The following RALYL variants were observed in gnomAD, a reference collection of about 807,000 sequenced individuals.
RALYL encodes the protein RNA-binding Raly-like protein.
Under a neutral mutation model 35.1 loss-of-function variants are expected in RALYL, and 29 were observed. The observed-to-expected ratio is 0.83, with a 90% CI of 0.61 to 1.13. RALYL has a LOEUF of 1.13. Among genes scored for constraint, RALYL ranks in the 50% most tolerant of loss-of-function variants. RALYL has a pLI of 0.00. For synonymous variants in RALYL, 120 were observed against 127.6 expected, an observed-to-expected ratio of 0.94 and a Z score of 0.40; for missense variants, 359 against 360.4, an observed-to-expected ratio of 1.00 and a Z score of 0.03.
At chr8:84,648,906 A>G (rs1046844656) in intron 2 of RALYL, among the ~76,000 whole-genome samples, 2 of 151,778 alleles carry the variant, frequency 1.3e-5, no homozygotes, top group African/African-American at 4.8e-5. Flanking sequence ...TTTTCTCACC[A>G]AATCTTTTGG....
chr8:84,289,113 G>A (rs182696586), intron 1 of RALYL, among the ~76,000 whole-genome samples: 2 of 152,176 alleles, frequency 1.3e-5, no homozygotes, highest in East Asian at 3.9e-4. Context: ...TGTGACAGGA[G>A]GTAGTTTCAT....
rs1039628076 is a variant in RALYL at position 84,544,213 on chromosome 8, A to AT, written c.256+14642dup. 2.0e-5 allele frequency among the ~76,000 whole-genome samples: 3 copies of AT among 151,924 alleles called. No homozygotes were observed. In the East Asian group the frequency reaches 5.8e-4, roughly 29 times the overall value. ...TGATTATTATACTTGCTTTTCTTTA[A>AT]TTTTTTACAACCATATATGATACTT... On this transcript the variant is annotated intron_variant, in intron 2 of 8. Coordinates refer to ENST00000521268, the MANE Select transcript of RALYL (RefSeq NM_173848.7).
At chr8:84,337,646 G>A (rs1211787663) in intron 1 of RALYL, among the ~76,000 whole-genome samples, 3 of 152,046 alleles carry the variant, frequency 2.0e-5, no homozygotes, top group African/African-American at 2.4e-5. Flanking sequence ...TGGTTTCTGA[G>A]CAGCTGGTAA....
At chr8:84,202,785 C>T (rs941823348) in intron 1 of RALYL, among the ~76,000 whole-genome samples, 7 of 152,014 alleles carry the variant, frequency 4.6e-5, no homozygotes, top group African/African-American at 1.7e-4. Context: ...CTGGTGTAGG[C>T]ATGACATTTT....
intron 4 of RALYL, among the ~76,000 whole-genome samples, chr8:84,812,958 A>G (rs1212534059): frequency 6.6e-6 from 1 of 152,124 alleles, no homozygotes; most frequent in Non-Finnish European, 1.5e-5. Context: ...AAGTTGTTAC[A>G]AAATTCAGCT....
At chr8:84,610,180 T>C (rs549626877) in intron 2 of RALYL, among the ~76,000 whole-genome samples, 1 of 152,226 alleles carries the variant, frequency 6.6e-6, no homozygotes, top group African/African-American at 2.4e-5. Context: ...TTTTAGTTTT[T>C]ACCGAATGTC....
At chr8:84,236,252 G>T (rs1826525134) in intron 1 of RALYL, among the ~76,000 whole-genome samples, 1 of 152,108 alleles carries the variant, frequency 6.6e-6, no homozygotes, top group African/African-American at 2.4e-5. Context: ...TTTTGCATCT[G>T]CCCAGTGATA....
intron 1 of RALYL, among the ~76,000 whole-genome samples, chr8:84,466,738 C>T (rs1206604304): frequency 6.6e-6 from 1 of 151,298 alleles, no homozygotes; most frequent in Non-Finnish European, 1.5e-5. Flanking sequence ...CTCCTTGTAC[C>T]TCTGGTAGAA....
chr8:84,869,978 G>C lies in RALYL; in HGVS notation c.572-3306G>C, dbSNP rs184237796. Among the ~76,000 whole-genome samples, 8 of 150,656 alleles carry C rather than the reference G, an allele frequency of 5.3e-5. No homozygotes were observed. The East Asian group carries it at 1.2e-3, about 22-fold the overall frequency. ...TCACCAAATCAATGAACTCTATAGAGAGAGCAGATCTGAAATGACTTAATG... is the reference window on the plus strand; with the variant it reads ...TCACCAAATCAATGAACTCTATAGACAGAGCAGATCTGAAATGACTTAATG... On this transcript the variant is annotated intron_variant, in intron 6 of 8. Coordinates refer to ENST00000521268, the MANE Select transcript of RALYL (RefSeq NM_173848.7).
At chr8:84,223,209 C>CCTTCCCTTCCCTTCCCTTCCCT (rs1554578639) in intron 1 of RALYL, among the ~76,000 whole-genome samples, 1 of 88,874 alleles carries the variant, frequency 1.1e-5, no homozygotes, top group African/African-American at 5.6e-5. Context: ...CCTTCCATTC[C>CCTTCCCTTCCCTTCCCTTCCCT]TCCCTTCCCT....
At chr8:84,642,707 G>T (rs559733660) in intron 2 of RALYL, among the ~76,000 whole-genome samples, 3 of 152,158 alleles carry the variant, frequency 2.0e-5, no homozygotes, top group East Asian at 3.9e-4. Context: ...TTCCCCTTCA[G>T]GGCTGGTGTC....
At chr8:84,253,347 G>T (rs1370075391) in intron 1 of RALYL, among the ~76,000 whole-genome samples, 1 of 149,468 alleles carries the variant, frequency 6.7e-6, no homozygotes, top group African/African-American at 2.5e-5. Flanking sequence ...GTGCCACCAC[G>T]CCAGGCTAAT....
chr8:84,394,101 C>T (rs2131841525), intron 1 of RALYL, among the ~76,000 whole-genome samples: 1 of 152,158 alleles, frequency 6.6e-6, no homozygotes, highest in Middle Eastern at 3.4e-3. Context: ...TGTGCACACT[C>T]CAGTCTTCCA....
At position 84,298,395 on chromosome 8, in the gene RALYL, GTTTGTA is replaced by G. The variant is rs948821254; in HGVS notation, c.-24+113977_-24+113982del. On this transcript the variant is annotated intron_variant, in intron 1 of 8. Transcript: ENST00000521268. Reference sequence around the variant, plus strand: ...TCTATTCGGTTCCATTGTCTATTGTGTTTGTATTTGTGCCATTGTCTATTGTGTTTG... The same window carrying G: ...TCTATTCGGTTCCATTGTCTATTGTGTTTGTGCCATTGTCTATTGTGTTTG... Among the ~76,000 whole-genome samples the G allele has an allele frequency of 1.9e-4, 29 of 151,504 alleles. 1 individual carries two copies. Among genetic ancestry groups the G allele is most frequent in the Admixed American group, 1.5e-3 (23 of 15,184 alleles).
chr8:84,834,126 AAATG>A (rs1298659969), intron 4 of RALYL, among the ~76,000 whole-genome samples: 1 of 152,250 alleles, frequency 6.6e-6, no homozygotes, highest in Non-Finnish European at 1.5e-5. Flanking sequence ...ATTTACCTGT[AAATG>A]GACAAGTGTA....
intron 1 of RALYL, chr8:84,346,040 A>C (rs1849776475): frequency 5.2e-6 from 5 of 969,216 alleles, no homozygotes; most frequent in Admixed American, 1.2e-4. Flanking sequence ...CTTATTCAAA[A>C]TTATCCTAAT....
At chr8:84,537,594 A>G (rs773813981) in intron 2 of RALYL, among the ~76,000 whole-genome samples, 3 of 152,076 alleles carry the variant, frequency 2.0e-5, no homozygotes, top group Non-Finnish European at 2.9e-5. Flanking sequence ...CTTTTGTTTC[A>G]TCTTTTCTGA....
chr8:84,512,636 G>C (rs2057718081), intron 1 of RALYL, among the ~76,000 whole-genome samples: 2 of 151,972 alleles, frequency 1.3e-5, no homozygotes, highest in Admixed American at 1.3e-4. Flanking sequence ...ATTCCCTTAT[G>C]TTTCCTTTAA....
intron 1 of RALYL, among the ~76,000 whole-genome samples, chr8:84,316,107 A>T (rs1276335741): frequency 6.6e-6 from 1 of 152,110 alleles, no homozygotes; most frequent in Non-Finnish European, 1.5e-5. Context: ...AAAGTCCTTA[A>T]AGCTCACGTT....
Sources: allele counts gnomAD v4.1 joint callset (sites outside exome capture counted in the v4.1 genomes callset), GRCh38; gene constraint gnomAD v4.1.1; transcripts MANE v1.5; gene names NCBI Gene and HGNC (gene_info 2026-07-23, HGNC 2026-07-21).